The following PHC3 variants were observed in gnomAD, a reference collection of about 807,000 sequenced individuals.
PHC3 encodes the protein polyhomeotic-like protein 3.
PHC3 carries 13 observed loss-of-function variants against 107.4 expected under a neutral mutation model. That is an observed-to-expected ratio of 0.12 (90% CI 0.08 to 0.19). The LOEUF is 0.19. Ranked by LOEUF, PHC3 falls within the 10% of genes least tolerant of loss-of-function variation. The pLI is 1.00. For synonymous variants in PHC3, 456 were observed against 427.4 expected (o/e 1.07, Z -0.83); for missense variants, 992 against 1,210.9 (o/e 0.82, Z 2.68).
intron 1 of PHC3, among the ~76,000 whole-genome samples, chr3:170,179,443 C>A (rs1201632952): frequency 2.6e-5 from 4 of 152,050 alleles, no homozygotes; most frequent in East Asian, 1.9e-4. Flanking sequence ...AAAATAAGTT[C>A]TTTTTAAAAA....
chr3:170,141,736 C>G (rs1415669718), intron 6 of PHC3, among the ~76,000 whole-genome samples: 2 of 152,094 alleles, frequency 1.3e-5, no homozygotes, highest in East Asian at 3.9e-4. Flanking sequence ...CTCAGCCCCC[C>G]AGGTAGCTGG....
chr3:170,162,305 T>C (rs1050458073), intron 4 of PHC3, among the ~76,000 whole-genome samples: 4 of 152,130 alleles, frequency 2.6e-5, no homozygotes, highest in African/African-American at 9.7e-5. Context: ...ATATAACCAA[T>C]GCCTACTCAA....
intron 11 of PHC3, among the ~76,000 whole-genome samples, chr3:170,110,025 A>C (rs1428800434): frequency 6.6e-6 from 1 of 152,068 alleles, no homozygotes; most frequent in Non-Finnish European, 1.5e-5. Context: ...TCCCCTATGA[A>C]ATATATTATC....
At chr3:170,162,538 TA>T (rs909224160) in intron 4 of PHC3, among the ~76,000 whole-genome samples, 25 of 152,234 alleles carry the variant, frequency 1.6e-4, no homozygotes, top group African/African-American at 2.9e-4. Context: ...AATTAAAGGT[TA>T]AAAAAAATTT....
intron 4 of PHC3, among the ~76,000 whole-genome samples, chr3:170,153,687 C>T (rs1394751216): frequency 2.7e-5 from 4 of 150,148 alleles, no homozygotes; most frequent in East Asian, 4.0e-4. Flanking sequence ...GGCGTGAACC[C>T]GGGAAGCGGA....
chr3:170,153,395 C>G (rs1187462747), intron 4 of PHC3, among the ~76,000 whole-genome samples: 1 of 152,154 alleles, frequency 6.6e-6, no homozygotes, highest in African/African-American at 2.4e-5. Flanking sequence ...CAAACTGATA[C>G]CTCTTACTGG....
chr3:170,126,379 A>G (rs915074288), intron 8 of PHC3, among the ~76,000 whole-genome samples: 5 of 151,648 alleles, frequency 3.3e-5, no homozygotes, highest in Admixed American at 2.0e-4. Flanking sequence ...CATTATAACC[A>G]TATCAGTGAT....
intron 6 of PHC3, among the ~76,000 whole-genome samples, chr3:170,142,213 C>T (rs1036882708): frequency 6.6e-6 from 1 of 151,924 alleles, no homozygotes; most frequent in African/African-American, 2.4e-5. Flanking sequence ...CATATTTAAT[C>T]CTCATAGCAA....
intron 9 of PHC3, among the ~76,000 whole-genome samples, chr3:170,119,830 TAA>T (rs577407226): frequency 9.0e-5 from 13 of 144,370 alleles, no homozygotes; most frequent in Admixed American, 6.9e-5. Flanking sequence ...TGAGTTACTG[TAA>T]AAAAAAAAAA....
chr3:170,126,034 A>G (rs1721179986), intron 8 of PHC3: 1 of 870,562 alleles, frequency 1.1e-6, no homozygotes, highest in Non-Finnish European at 1.4e-6. Flanking sequence ...TATTAGTTCT[A>G]AATTATCTAC....
intron 10 of PHC3, among the ~76,000 whole-genome samples, chr3:170,113,987 G>A (rs1034078959): frequency 2.0e-5 from 3 of 151,810 alleles, no homozygotes; most frequent in African/African-American, 7.3e-5. Flanking sequence ...AGTTCTTTGT[G>A]GAGACTAACT....
At chr3:170,136,734 T>G (rs1485597079) in intron 6 of PHC3, 69 bp from the exon 7 acceptor site, 1 of 1,491,182 alleles carries the variant, frequency 6.7e-7, no homozygotes, top group African/African-American at 1.4e-5. Context: ...ATCATTACCA[T>G]TATGACAATA....
At chr3:170,118,223 T>C (rs1719433086) in intron 9 of PHC3, among the ~76,000 whole-genome samples, 1 of 152,322 alleles carries the variant, frequency 6.6e-6, no homozygotes, top group Non-Finnish European at 1.5e-5. Context: ...AATGGGGTCA[T>C]GAAATCCACA....
chr3:170,109,718 A>G (rs1717254727), intron 11 of PHC3, among the ~76,000 whole-genome samples: 1 of 152,134 alleles, frequency 6.6e-6, no homozygotes, highest in Non-Finnish European at 1.5e-5. Context: ...TATACCAAGG[A>G]AGACCATAAG....
chr3:170,168,735 CAG>C (rs1373143231), intron 4 of PHC3, among the ~76,000 whole-genome samples: 2 of 118,040 alleles, frequency 1.7e-5, no homozygotes, highest in Admixed American at 1.3e-4. Flanking sequence ...GCCTGGGAGA[CAG>C]AGCGAGACTC....
At position 170,129,387 on chromosome 3, in the gene PHC3, T is replaced by G; in HGVS notation, c.1085A>C (p.Gln362Pro). Residue 362 changes from glutamine to proline, a missense_variant, in exon 8 of 15, where the codon CAG becomes CCG. By Grantham distance (76) the Gln-to-Pro change is moderately conservative. Coordinates refer to ENST00000495893, the MANE Select transcript of PHC3 (RefSeq NM_024947.4). ...QNSTQDPPPS[Q>P]HCIPLQNHGL... ...ATGGTTCTGGAGTGGTATACAGTGC[T>G]GGGATGGGGGTGGGTCTTGAGTTGA... 6.2e-7 allele frequency: 1 copy of G among 1,613,886 alleles called. No individual in the cohort carries two copies. The highest frequency in any genetic ancestry group is 2.2e-5 in the East Asian group (1 of 44,878).
At chr3:170,147,800 C>T (rs1725239952) in intron 5 of PHC3, 1 of 152,052 alleles carries the variant, frequency 6.6e-6, no homozygotes, top group Non-Finnish European at 1.5e-5. Context: ...ATTTCCAGTA[C>T]CAACACCCTG....
At chr3:170,107,512 G>A (rs975801804) in intron 11 of PHC3, among the ~76,000 whole-genome samples, 7 of 152,152 alleles carry the variant, frequency 4.6e-5, no homozygotes, top group African/African-American at 1.2e-4. Context: ...AGGAGGCTGA[G>A]GCAGAAGAAT....
At chr3:170,159,012 G>A (rs927701310) in intron 4 of PHC3, among the ~76,000 whole-genome samples, 2 of 151,976 alleles carry the variant, frequency 1.3e-5, no homozygotes, top group African/African-American at 2.4e-5. Flanking sequence ...AGCACTTTGG[G>A]AGGCCAAGGC....
Sources: gnomAD v4.1 joint callset for allele counts (sites outside exome capture counted in the v4.1 genomes callset) on GRCh38, gnomAD v4.1.1 for gene constraint, MANE v1.5 for transcripts, NCBI Gene and HGNC (gene_info 2026-07-23, HGNC 2026-07-21) for gene names.